The following MTRR variants were observed in gnomAD, a reference collection of about 807,000 sequenced individuals.
MTRR encodes the protein 5-methyltetrahydrofolate-homocysteine methyltransferase reductase.
In MTRR, 63 loss-of-function variants were observed where a neutral mutation model predicts 79.2. That is an observed-to-expected ratio of 0.80 (90% CI 0.65 to 0.98). The LOEUF is 0.98. Among genes scored for constraint, MTRR ranks in the 50% least tolerant of loss-of-function variants. The pLI, the probability that MTRR is intolerant of heterozygous loss-of-function variation, is 0.00. For synonymous variants in MTRR, 355 were observed against 313.3 expected (o/e 1.13, Z -1.41); for missense variants, 895 against 839.6 (o/e 1.07, Z -0.82).
rs34172797 is a variant in MTRR at position 7,892,892 on chromosome 5, C to T, written c.1536C>T (p.Ser512=). 32,587 of 1,614,144 alleles carry T rather than the reference C, an allele frequency of 0.02. 366 individuals carry two copies. The highest frequency in any genetic ancestry group is 0.024 in the Non-Finnish European group (28,211 of 1,179,996). The change falls in exon 11 of 15, where the codon AGC becomes AGT. Residue 512 remains serine, a synonymous_variant. Transcript: ENST00000440940. The stretch of plus-strand genomic sequence containing the variant: ...ACATACATGCATCCCATGAAGACAG[C>T]GGGAAAGCCCTGGCTCCTAAGGTAA... The part of the protein sequence containing the change: ...QPNIHASHED[S]GKALAPKISI...
chr5:7,895,784 C>T lies in MTRR; in HGVS notation c.1608C>T (p.Pro536=), dbSNP rs745897285. ...ATTCTTTCCACTTACCAGATGACCC[C>T]TCAATCCCCATCATAATGGTGGGTC... is the stretch of plus-strand genomic sequence containing the variant. The part of the protein sequence containing the change: ...TTNSFHLPDD[P]SIPIIMVGPG... The change falls in exon 12 of 15, where the codon CCC becomes CCT. Residue 536 remains proline, a synonymous_variant. Transcript: ENST00000440940. The T allele has an allele frequency of 3.1e-6, 5 of 1,614,096 alleles. No homozygotes were observed. Among genetic ancestry groups the T allele is most frequent in the Non-Finnish European group, 4.2e-6 (5 of 1,179,968 alleles).
intron 4 of MTRR, among the ~76,000 whole-genome samples, chr5:7,877,255 T>C (rs1283621215): frequency 6.6e-6 from 1 of 152,246 alleles, no homozygotes; most frequent in Non-Finnish European, 1.5e-5. Context: ...GTTGTTATGA[T>C]AATTTGTTAG....
chr5:7,895,960 T>C lies in MTRR; in HGVS notation c.1676+108T>C, dbSNP rs138384457. The C allele has an allele frequency of 2.4e-5, 33 of 1,379,402 alleles. No homozygotes were observed. The African/African-American group carries it at 3.7e-4, about 15-fold the overall frequency. 85.4% of individuals were successfully genotyped at this position (1,379,402 alleles called of 1,614,324 possible). On this transcript the variant is annotated intron_variant, in intron 12 of 14. Coordinates refer to ENST00000440940, the MANE Select transcript of MTRR (RefSeq NM_002454.3). The stretch of plus-strand genomic sequence containing the variant: ...CTTTGTAAAATTTTTATTTAAAAAA[T>C]TATTATTCAATGTGCGATAACATAA...
chr5:7,881,990 T>C (rs1030990612), intron 5 of MTRR, among the ~76,000 whole-genome samples: 8 of 152,238 alleles, frequency 5.3e-5, no homozygotes, highest in Admixed American at 5.2e-4. Flanking sequence ...GATCCAGCTC[T>C]AGACTCCATT....
In MTRR at chr5:7,877,811, A is replaced by G. The variant is rs1734833615; in HGVS notation, c.402-133A>G. 5.0e-6 allele frequency: 6 copies of G among 1,209,906 alleles called. No homozygotes were observed. The South Asian group carries it at 5.0e-5, about 10-fold the overall frequency. The allele number at this position is 1,209,906 out of a possible 1,614,324, so 74.9% of individuals were successfully genotyped here. A position where few individuals can be genotyped will look rare whatever the true frequency, so the allele number is the denominator to read the frequency against. On this transcript the variant is annotated intron_variant, in intron 4 of 14. Coordinates refer to ENST00000440940, the MANE Select transcript of MTRR (RefSeq NM_002454.3). ...AACTTAATCATGAAGTATTTTTTGT[A>G]TTCCGAATGGTCTTCATAGTGTTTC...
chr5:7,866,816 G>A (rs145140718), upstream of MTRR: 50 of 1,614,126 alleles, frequency 3.1e-5, no homozygotes, highest in Non-Finnish European at 4.2e-5. Context: ...AGAGGCATTT[G>A]GTGGCAAATA....
intron 5 of MTRR, 117 bp from the exon 6 acceptor site, chr5:7,883,038 A>G (rs1047650084): frequency 7.4e-7 from 1 of 1,349,292 alleles, no homozygotes; most frequent in African/African-American, 1.4e-5. Flanking sequence ...TACCTTGGAA[A>G]TGAATACTGA....
At chr5:7,867,171 C>T, upstream of MTRR, 1 of 1,614,170 alleles carries the variant, frequency 6.2e-7, no homozygotes, top group Non-Finnish European at 8.5e-7. Flanking sequence ...TGATCAAGAA[C>T]CACCAGGGCA....
In MTRR at chr5:7,870,867, C is replaced by A. The variant is rs748657512; in HGVS notation, c.73C>A (p.Gln25Lys). 6.2e-7 allele frequency: 1 copy of A among 1,614,162 alleles called. No individual in the cohort carries two copies. Among genetic ancestry groups the A allele is most frequent in the South Asian group, 1.1e-5 (1 of 91,084 alleles). ...AKAIAEEICE[Q>K]AVVHGFSADL... ...GGCCATCGCAGAAGAAATATGTGAG[C>A]AAGCTGTGGTACATGGATTTTCTGC... The change falls in exon 2 of 15, where the codon CAA becomes AAA. Residue 25 changes from glutamine to lysine, a missense_variant. Coordinates refer to ENST00000440940, the MANE Select transcript of MTRR (RefSeq NM_002454.3).
chr5:7,856,696 A>G (rs1318753718), intron 1 of MTRR: 2 of 151,268 alleles, frequency 1.3e-5, no homozygotes, highest in African/African-American at 4.9e-5. Flanking sequence ...CTGGTTCCTC[A>G]CTGAGCCAAG....
Position 7,883,281 on chromosome 5 carries a change from A to G in MTRR, c.903+4A>G. 4.3e-6 allele frequency: 7 copies of G among 1,614,210 alleles called. No individual in the cohort carries two copies. Among genetic ancestry groups the G allele is most frequent in the Non-Finnish European group, 5.1e-6 (6 of 1,180,028 alleles). ...GCTGGTAGAATTGGACATTTCAGTA[A>G]GTTGCAAAATTTATTTCTCAGCACA... On this transcript the variant is annotated splice_donor_region_variant and intron_variant, in intron 6 of 14. Transcript: ENST00000440940.
At position 7,895,788 on chromosome 5, in the gene MTRR, A is replaced by G; in HGVS notation, c.1612A>G (p.Ile538Val). The change falls in exon 12 of 15, where the codon ATC (isoleucine) becomes GTC (valine). Residue 538 changes from isoleucine (I) to valine (V), a missense_variant. Transcript: ENST00000440940. ...NSFHLPDDPS[I>V]PIIMVGPGTG... ...TTTCCACTTACCAGATGACCCCTCA[A>G]TCCCCATCATAATGGTGGGTCCAGG... The G allele has an allele frequency of 1.2e-6, 2 of 1,614,018 alleles. No homozygotes were observed. The highest frequency in any genetic ancestry group is 1.7e-6 in the Non-Finnish European group (2 of 1,179,892).
At chr5:7,879,030 T>C (rs1735074793) in intron 5 of MTRR, among the ~76,000 whole-genome samples, 2 of 152,230 alleles carry the variant, frequency 1.3e-5, no homozygotes, top group African/African-American at 2.4e-5. Flanking sequence ...GCATCTTTCT[T>C]GTATATTAGC....
At chr5:7,869,293 GC>G in intron 1 of MTRR, 78 bp downstream of exon 1, 1 of 1,553,454 alleles carries the variant, frequency 6.4e-7, no homozygotes, top group South Asian at 1.1e-5. Flanking sequence ...GCGGCCCGGG[GC>G]GGGGGTGGGC....
At chr5:7,878,461 G>A (rs932869830) in intron 5 of MTRR, 139 bp downstream of exon 5, 21 of 1,127,324 alleles carry the variant, frequency 1.9e-5, no homozygotes, top group Non-Finnish European at 2.5e-5. Context: ...CCTTTCTTTT[G>A]TAAATAGATT....
rs779125839 is a variant in MTRR at position 7,878,296 on chromosome 5, G to T, written c.754G>T (p.Val252Leu). ...TGGTTTACCCCCAGAATATTTACAG[G>T]TACATCTGCAGGAGTCTCTTGGCCA... Reference protein sequence around the residue: ...IPGLPPEYLQVHLQESLGQEE... With the variant: ...IPGLPPEYLQLHLQESLGQEE... Residue 252 changes from valine (V) to leucine (L), a missense_variant, in exon 5 of 15, where the codon GTA becomes TTA. Transcript: ENST00000440940. The T allele has an allele frequency of 8.7e-6, 14 of 1,614,072 alleles. No individual in the cohort carries two copies. In the East Asian group the frequency reaches 3.1e-4, roughly 36 times the overall value.
intron 5 of MTRR, among the ~76,000 whole-genome samples, chr5:7,881,260 G>A (rs369929311): frequency 3.1e-4 from 47 of 152,024 alleles, no homozygotes; most frequent in Admixed American, 2.0e-4. Context: ...GTGCTCTGTC[G>A]TATACTTTCT....
rs188012795 is a variant in MTRR at position 7,896,671 on chromosome 5, C to T, written c.1677-193C>T. ...ATGTAGCTGCCTCTCCACACACTTG[C>T]CTAGTGTGGCATCTGCTCGAGTGGC... On this transcript the variant is annotated intron_variant, in intron 12 of 14. Coordinates refer to ENST00000440940, the MANE Select transcript of MTRR (RefSeq NM_002454.3). The T allele has an allele frequency of 3.6e-4, 225 of 623,442 alleles. 1 individual carries two copies. Among genetic ancestry groups the T allele is most frequent in the Non-Finnish European group, 5.7e-4 (198 of 345,472 alleles). 38.6% of individuals were successfully genotyped at this position (623,442 alleles called of 1,614,324 possible).
upstream of MTRR, chr5:7,867,746 T>A: frequency 6.2e-7 from 1 of 1,614,246 alleles, no homozygotes; most frequent in African/African-American, 1.3e-5. Flanking sequence ...TAGCACTTCT[T>A]CTGATGAAGT....
Sources: allele counts gnomAD v4.1 joint callset (sites outside exome capture counted in the v4.1 genomes callset), GRCh38; gene constraint gnomAD v4.1.1; transcripts MANE v1.5; gene names NCBI Gene and HGNC (gene_info 2026-07-23, HGNC 2026-07-21).